The following MARK3 variants were observed in gnomAD, a reference collection of about 807,000 sequenced individuals.
The protein encoded by MARK3 is MAP/microtubule affinity-regulating kinase 3.
Under a neutral mutation model 90.1 loss-of-function variants are expected in MARK3, and 46 were observed. The ratio of observed to expected loss-of-function variants is 0.51; its 90% CI spans 0.40 to 0.65. The LOEUF is 0.65. Among genes scored for constraint, MARK3 ranks in the 30% least tolerant of loss-of-function variants. The pLI, the probability that MARK3 is intolerant of heterozygous loss-of-function variation, is 0.00. For synonymous variants in MARK3, 321 were observed against 332.6 expected, an observed-to-expected ratio of 0.97 and a Z score of 0.38; for missense variants, 818 against 947.2, an observed-to-expected ratio of 0.86 and a Z score of 1.79.
In MARK3 at chr14:103,387,740, G is replaced by A. The variant is rs200409074; in HGVS notation, c.51+1660G>A. On this transcript the variant is annotated intron_variant, in intron 1 of 17. Coordinates refer to ENST00000429436, the MANE Select transcript of MARK3 (RefSeq NM_001128918.3). ...ACTCCTGGCCTCATGTGATCCACCCGCCTCGGCTCCCCAAAGTGCTGAGAT... is the reference window on the plus strand; with the variant it reads ...ACTCCTGGCCTCATGTGATCCACCCACCTCGGCTCCCCAAAGTGCTGAGAT... Among the ~76,000 whole-genome samples the A allele has an allele frequency of 5.8e-4, 88 of 152,160 alleles. 1 individual carries two copies. The East Asian group carries it at 0.011, about 20-fold the overall frequency.
At chr14:103,479,454 A>T (rs567004522) in intron 13 of MARK3, among the ~76,000 whole-genome samples, 4 of 152,298 alleles carry the variant, frequency 2.6e-5, no homozygotes, top group South Asian at 2.1e-4. Flanking sequence ...CATTTTATCC[A>T]GCAATAGTGA....
At chr14:103,430,679 T>C (rs1390610606) in intron 3 of MARK3, among the ~76,000 whole-genome samples, 2 of 152,228 alleles carry the variant, frequency 1.3e-5, no homozygotes. Flanking sequence ...CGTGTTAAAA[T>C]ATCGGTTTCA....
At chr14:103,406,216 G>T (rs12888077) in intron 2 of MARK3, among the ~76,000 whole-genome samples, 93,061 of 147,490 alleles carry the variant, frequency 0.63, 29,639 homozygotes, top group East Asian at 0.83. Context: ...TTTCTTTTTT[G>T]GGGGGTTAGG....
chr14:103,496,071 C>G (rs2075320351), intron 15 of MARK3, among the ~76,000 whole-genome samples: 2 of 152,212 alleles, frequency 1.3e-5, no homozygotes, highest in African/African-American at 4.8e-5. Flanking sequence ...CCTGGCCTTG[C>G]TCAGAGACTG....
intron 1 of MARK3, among the ~76,000 whole-genome samples, chr14:103,387,756 G>A (rs1291961937): frequency 2.6e-5 from 4 of 152,136 alleles, no homozygotes; most frequent in African/African-American, 2.4e-5. Flanking sequence ...GCTCCCCAAA[G>A]TGCTGAGATT....
At chr14:103,421,320 C>T (rs763685466) in intron 2 of MARK3, among the ~76,000 whole-genome samples, 7 of 152,172 alleles carry the variant, frequency 4.6e-5, no homozygotes, top group South Asian at 2.1e-4. Flanking sequence ...GCAATGATTT[C>T]GTATTCACTA....
At chr14:103,477,009 C>T (rs1025310504) in intron 13 of MARK3, among the ~76,000 whole-genome samples, 1 of 152,194 alleles carries the variant, frequency 6.6e-6, no homozygotes, top group African/African-American at 2.4e-5. Context: ...TGTCTACACA[C>T]GCTGCCCTTC....
In MARK3 at chr14:103,466,022, G is replaced by A. The variant is rs749535387; in HGVS notation, c.828G>A (p.Met276Ile). 1.2e-6 allele frequency: 2 copies of A among 1,613,746 alleles called. No individual in the cohort carries two copies. Among genetic ancestry groups the A allele is most frequent in the Admixed American group, 3.3e-5 (2 of 59,976 alleles). Residue 276 changes from methionine (M) to isoleucine (I), a missense_variant, in exon 9 of 18, where the codon ATG (methionine) becomes ATA (isoleucine). By Grantham distance (10) the Met-to-Ile change is conservative. Transcript: ENST00000429436. Reference sequence around the variant, plus strand: ...GGAAATACAGAATTCCCTTCTACATGTCTACAGACTGTGAAAACCTTCTCA... The same window carrying A: ...GGAAATACAGAATTCCCTTCTACATATCTACAGACTGTGAAAACCTTCTCA... ...LRGKYRIPFY[M>I]STDCENLLKR...
chr14:103,434,335 G>T (rs1029024785), intron 3 of MARK3, among the ~76,000 whole-genome samples: 1 of 152,170 alleles, frequency 6.6e-6, no homozygotes, highest in Non-Finnish European at 1.5e-5. Context: ...TCCATGTTTA[G>T]TAGGCATCCC....
intron 16 of MARK3, chr14:103,499,294 AC>A (rs1306522652): frequency 6.6e-6 from 1 of 152,132 alleles, no homozygotes; most frequent in Non-Finnish European, 1.5e-5. Context: ...CCCCGCCTCT[AC>A]AAATAATATA....
At chr14:103,496,561 T>C (rs573065239) in intron 15 of MARK3, among the ~76,000 whole-genome samples, 143 of 151,962 alleles carry the variant, frequency 9.4e-4, no homozygotes, top group South Asian at 1.9e-3. Context: ...TACAGGTGCA[T>C]GTCACCACGC....
intron 1 of MARK3, among the ~76,000 whole-genome samples, chr14:103,401,003 C>T (rs2090934356): frequency 1.5e-5 from 2 of 136,754 alleles, no homozygotes; most frequent in Non-Finnish European, 3.1e-5. Context: ...TTTATTGGCT[C>T]CTTAGGAAGA....
rs185327710 is a variant in MARK3, at chr14:103,473,540, T to C, written c.1265-1453T>C. Among the ~76,000 whole-genome samples the C allele has an allele frequency of 3.4e-3, 522 of 152,320 alleles. 2 individuals carry two copies. The highest frequency in any genetic ancestry group is 0.012 in the African/African-American group (499 of 41,578). The stretch of plus-strand genomic sequence containing the variant: ...AGAAAGATAAGCATTGAGGCTAATA[T>C]CACCCTATGCTTGATTAAGTTTTTG... On this transcript the variant is annotated intron_variant, in intron 12 of 17. Transcript: ENST00000429436.
At chr14:103,420,835 A>G (rs2092184767) in intron 2 of MARK3, among the ~76,000 whole-genome samples, 1 of 152,100 alleles carries the variant, frequency 6.6e-6, no homozygotes, top group Non-Finnish European at 1.5e-5. Context: ...ACAAGGGGAC[A>G]CTTTGCTTTC....
At chr14:103,477,360 C>T (rs1452980777) in intron 13 of MARK3, among the ~76,000 whole-genome samples, 1 of 152,084 alleles carries the variant, frequency 6.6e-6, no homozygotes, top group African/African-American at 2.4e-5. Context: ...GGTATAGTGG[C>T]GTGCTCCTGT....
intron 1 of MARK3, among the ~76,000 whole-genome samples, chr14:103,387,026 A>G (rs1425728197): frequency 1.3e-5 from 2 of 152,202 alleles, no homozygotes; most frequent in South Asian, 2.1e-4. Flanking sequence ...GTTGTTGACT[A>G]TATTCTGTAA....
chr14:103,470,295 T>C (rs1317973359), intron 12 of MARK3, among the ~76,000 whole-genome samples: 1 of 151,878 alleles, frequency 6.6e-6, no homozygotes, highest in Non-Finnish European at 1.5e-5. Flanking sequence ...AGACTCCCAG[T>C]GGGTAGGCTT....
chr14:103,403,329 TGTGTGTG>T (rs2091081502), intron 1 of MARK3, among the ~76,000 whole-genome samples: 1 of 348 alleles, frequency 2.9e-3, no homozygotes, highest in Non-Finnish European at 8.3e-3. Context: ...TGCCTGGTTG[TGTGTGTG>T]TGTGTGTGTG....
chr14:103,407,908 C>A (rs1019101583), intron 2 of MARK3, among the ~76,000 whole-genome samples: 8 of 152,024 alleles, frequency 5.3e-5, no homozygotes, highest in Non-Finnish European at 8.8e-5. Flanking sequence ...TTTCCCTGTA[C>A]CTGAAATACT....
Sources: allele counts gnomAD v4.1 joint callset (sites outside exome capture counted in the v4.1 genomes callset), GRCh38; gene constraint gnomAD v4.1.1; transcripts MANE v1.5; gene names NCBI Gene and HGNC (gene_info 2026-07-23, HGNC 2026-07-21).